CALN1: variants seen among roughly 807,000 people sequenced by gnomAD.
CALN1 encodes calneuron 1, also known as calcium-binding protein 8.
In CALN1, 17 loss-of-function variants were observed where a neutral mutation model predicts 30.6. The ratio of observed to expected loss-of-function variants is 0.56; its 90% CI spans 0.38 to 0.83. The LOEUF is 0.83. CALN1 is among the 40% of genes least tolerant of loss of function. CALN1 has a pLI of 0.00. For missense variants in CALN1, 291 were observed against 354.9 expected, an observed-to-expected ratio of 0.82 and a Z score of 1.45; for synonymous variants, 156 against 131.4, an observed-to-expected ratio of 1.19 and a Z score of -1.28.
intron 3 of CALN1, among the ~76,000 whole-genome samples, chr7:72,120,684 A>T (rs1808313761): frequency 6.6e-6 from 1 of 152,206 alleles, no homozygotes; most frequent in Admixed American, 6.5e-5. Flanking sequence ...AGGCACAGAA[A>T]TATAGTACCC....
At chr7:72,388,841 T>A (rs554126841) in intron 2 of CALN1, among the ~76,000 whole-genome samples, 16 of 152,244 alleles carry the variant, frequency 1.1e-4, no homozygotes, top group African/African-American at 3.4e-4. Flanking sequence ...ATCCTGAAGT[T>A]CAGAACTGGT....
intron 5 of CALN1, among the ~76,000 whole-genome samples, chr7:71,829,164 G>T (rs1170604392): frequency 6.6e-6 from 1 of 152,106 alleles, no homozygotes; most frequent in Non-Finnish European, 1.5e-5. Flanking sequence ...CCTTAACCTT[G>T]GCAAAATAAA....
chr7:71,950,999 C>T (rs997403154), intron 5 of CALN1, among the ~76,000 whole-genome samples: 4 of 152,204 alleles, frequency 2.6e-5, no homozygotes, highest in Non-Finnish European at 4.4e-5. Context: ...CGTCTATCCC[C>T]GTTTTATTTC....
chr7:72,024,084 T>C (rs561178188), intron 4 of CALN1, among the ~76,000 whole-genome samples: 1 of 152,308 alleles, frequency 6.6e-6, no homozygotes, highest in Admixed American at 6.5e-5. Context: ...AATTGCCCAG[T>C]TGTACATGAT....
At chr7:71,866,519 T>G (rs535621988) in intron 5 of CALN1, among the ~76,000 whole-genome samples, 12 of 152,122 alleles carry the variant, frequency 7.9e-5, no homozygotes, top group Non-Finnish European at 1.3e-4. Context: ...AAAAAACATA[T>G]AGATCATTGA....
At chr7:71,822,760 C>T (rs567291534) in intron 5 of CALN1, among the ~76,000 whole-genome samples, 1 of 152,090 alleles carries the variant, frequency 6.6e-6, no homozygotes, top group Non-Finnish European at 1.5e-5. Context: ...CTACCTTTTG[C>T]CTCATGCTTT....
intron 3 of CALN1, among the ~76,000 whole-genome samples, chr7:72,185,746 G>A (rs1444645671): frequency 6.6e-6 from 1 of 152,148 alleles, no homozygotes; most frequent in Non-Finnish European, 1.5e-5. Flanking sequence ...TAGTGAATAA[G>A]TCTCACAAGA....
At chr7:72,264,234 A>G (rs1209015156) in intron 3 of CALN1, among the ~76,000 whole-genome samples, 1 of 152,090 alleles carries the variant, frequency 6.6e-6, no homozygotes, top group Non-Finnish European at 1.5e-5. Context: ...TGAAACAATC[A>G]ATCTGCTTTT....
At chr7:71,946,261 C>T (rs911545161) in intron 5 of CALN1, among the ~76,000 whole-genome samples, 2 of 151,970 alleles carry the variant, frequency 1.3e-5, no homozygotes, top group Non-Finnish European at 2.9e-5. Context: ...TGTCTGTTTC[C>T]CAAGACCCTG....
intron 6 of CALN1, among the ~76,000 whole-genome samples, chr7:71,802,285 T>C (rs780272401): frequency 2.0e-5 from 3 of 152,156 alleles, no homozygotes; most frequent in Non-Finnish European, 2.9e-5. Flanking sequence ...TAATAAGATA[T>C]ACATTCGTCT....
intron 5 of CALN1, among the ~76,000 whole-genome samples, chr7:71,963,184 A>G (rs1797336455): frequency 6.6e-6 from 1 of 152,096 alleles, no homozygotes; most frequent in Non-Finnish European, 1.5e-5. Flanking sequence ...TATTTTTGAG[A>G]CAGAGTCTTG....
chr7:71,921,909 T>C (rs1381254911), intron 5 of CALN1, among the ~76,000 whole-genome samples: 3 of 151,938 alleles, frequency 2.0e-5, no homozygotes, highest in African/African-American at 7.2e-5. Flanking sequence ...AAAGTTGTCC[T>C]TGACTCCCCA....
chr7:72,383,769 C>G (rs1033321984), intron 2 of CALN1, among the ~76,000 whole-genome samples: 5 of 152,172 alleles, frequency 3.3e-5, no homozygotes, highest in Admixed American at 3.3e-4. Flanking sequence ...GATTTCACAG[C>G]TTATTTTCCA....
chr7:72,301,867 C>T (rs1054737214), intron 2 of CALN1, among the ~76,000 whole-genome samples: 2 of 152,088 alleles, frequency 1.3e-5, no homozygotes, highest in East Asian at 1.9e-4. Flanking sequence ...CATTCAGAAA[C>T]GCCAGGAATG....
intron 5 of CALN1, among the ~76,000 whole-genome samples, chr7:71,966,020 A>T (rs1365379982): frequency 1.3e-5 from 2 of 150,810 alleles, no homozygotes; most frequent in Non-Finnish European, 3.0e-5. Context: ...CTTGCATTCA[A>T]TCTACACAAT....
intron 3 of CALN1, among the ~76,000 whole-genome samples, chr7:72,185,194 A>C (rs10239345): frequency 0.24 from 36,619 of 151,974 alleles, 4,889 homozygotes; most frequent in Middle Eastern, 0.35. Flanking sequence ...AGCTCACCCA[A>C]AGAGTCCAAG....
intron 5 of CALN1, among the ~76,000 whole-genome samples, chr7:71,924,517 C>T (rs567032878): frequency 2.4e-4 from 37 of 152,250 alleles, no homozygotes; most frequent in African/African-American, 8.2e-4. Context: ...ACACCCAATA[C>T]GCTTGAAGTT....
chr7:71,781,853 C>G lies in CALN1; in HGVS notation c.*5922G>C, dbSNP rs1792735223. ...GGGTAGGGGCAGGTGGCCGGGCAAG[C>G]TTTTCCACTTTCAGAGGACTGTCTT... On this transcript the variant is annotated 3_prime_UTR_variant, in exon 7 of 7. Transcript: ENST00000395275. 6.6e-6 allele frequency: 1 copy of G among 152,200 alleles called. No homozygotes were observed. Among genetic ancestry groups the G allele is most frequent in the South Asian group, 2.1e-4 (1 of 4,828 alleles). 9.4% of individuals were successfully genotyped at this position (152,200 alleles called of 1,614,324 possible).
At chr7:72,034,110 T>C (rs937812017) in intron 4 of CALN1, among the ~76,000 whole-genome samples, 1 of 151,774 alleles carries the variant, frequency 6.6e-6, no homozygotes, top group Non-Finnish European at 1.5e-5. Context: ...TCCCAGCACT[T>C]TGGGAGGCCG....
Sources: gnomAD v4.1 joint callset for allele counts (sites outside exome capture counted in the v4.1 genomes callset) on GRCh38, gnomAD v4.1.1 for gene constraint, MANE v1.5 for transcripts, NCBI Gene and HGNC (gene_info 2026-07-23, HGNC 2026-07-21) for gene names.